The following PTPRN2 variants were observed in gnomAD, a reference collection of about 807,000 sequenced individuals.
PTPRN2 encodes the protein receptor-type tyrosine-protein phosphatase N2.
A neutral mutation model predicts 118.8 loss-of-function variants in PTPRN2; 74 were observed. That is an observed-to-expected ratio of 0.62 (90% confidence interval 0.52 to 0.76). The LOEUF is 0.76. Ranked by LOEUF, PTPRN2 falls within the 30% of genes least tolerant of loss-of-function variation. The pLI is 0.00. For synonymous variants in PTPRN2, 641 were observed against 608.0 expected (o/e 1.05, Z -0.80); for missense variants, 1,481 against 1,394.4 (o/e 1.06, Z -0.99).
chr7:158,332,707 C>A (rs1804740989), intron 2 of PTPRN2, among the ~76,000 whole-genome samples: 1 of 151,282 alleles, frequency 6.6e-6, no homozygotes, highest in Non-Finnish European at 1.5e-5. Context: ...TTGACACCTG[C>A]AGATGTCACT....
intron 1 of PTPRN2, among the ~76,000 whole-genome samples, chr7:158,521,557 T>C (rs1328059558): frequency 6.7e-6 from 1 of 150,224 alleles, no homozygotes; most frequent in Non-Finnish European, 1.5e-5. Context: ...AATGGTGGAC[T>C]GTCCAGGTAC....
intron 12 of PTPRN2, among the ~76,000 whole-genome samples, chr7:157,717,666 C>A (rs1301518599): frequency 6.6e-6 from 1 of 152,268 alleles, no homozygotes; most frequent in East Asian, 1.9e-4. Flanking sequence ...GCCAACCCAG[C>A]CTCTTCACCA....
At chr7:158,367,102 G>C (rs1198746113) in intron 2 of PTPRN2, among the ~76,000 whole-genome samples, 1 of 152,168 alleles carries the variant, frequency 6.6e-6, no homozygotes, top group African/African-American at 2.4e-5. Flanking sequence ...ACAAGCTCAG[G>C]ACTCGTGCCC....
chr7:158,324,981 T>G (rs940263223), intron 2 of PTPRN2, among the ~76,000 whole-genome samples: 2 of 151,922 alleles, frequency 1.3e-5, no homozygotes, highest in Admixed American at 1.3e-4. Context: ...ACTGTGCATC[T>G]GCTGAGAAAC....
chr7:158,331,705 T>A (rs1458311373), intron 2 of PTPRN2, among the ~76,000 whole-genome samples: 2 of 150,286 alleles, frequency 1.3e-5, no homozygotes, highest in Admixed American at 1.3e-4. Context: ...CAGACGTCAC[T>A]AACACCCACA....
Position 158,126,888 on chromosome 7 carries a change from C to T in PTPRN2, c.1556+6789G>A, listed in dbSNP as rs563988556. 6.6e-5 allele frequency among the ~76,000 whole-genome samples: 10 copies of T among 152,316 alleles called. No homozygotes were observed. In the South Asian group the frequency reaches 1.0e-3, roughly 16 times the overall value. On this transcript the variant is annotated intron_variant, in intron 9 of 22. Transcript: ENST00000389418. ...TGGTTCCAAAGTTCCTCTCCCTGGC[C>T]GGCGGATCCCTGCCTTCACTGGCCT...
chr7:158,317,555 CTAAT>C (rs1204257241), intron 2 of PTPRN2, among the ~76,000 whole-genome samples: 1 of 152,236 alleles, frequency 6.6e-6, no homozygotes, highest in African/African-American at 2.4e-5. Flanking sequence ...ACCACACCTT[CTAAT>C]TAATTTAGTC....
intron 9 of PTPRN2, among the ~76,000 whole-genome samples, chr7:158,118,843 C>A (rs1197046883): frequency 6.6e-6 from 1 of 152,150 alleles, no homozygotes; most frequent in African/African-American, 2.4e-5. Context: ...GCTGACATTA[C>A]AAGTTCATGC....
At chr7:157,844,009 C>A (rs1337145893) in intron 12 of PTPRN2, among the ~76,000 whole-genome samples, 1 of 152,212 alleles carries the variant, frequency 6.6e-6, no homozygotes, top group Non-Finnish European at 1.5e-5. Flanking sequence ...AGACTCTGAC[C>A]CCCTGCACGG....
intron 12 of PTPRN2, among the ~76,000 whole-genome samples, chr7:157,802,882 A>G (rs1805404661): frequency 6.6e-6 from 1 of 152,126 alleles, no homozygotes; most frequent in South Asian, 2.1e-4. Flanking sequence ...AGAAATGTCT[A>G]CTAAAGTCCT....
intron 1 of PTPRN2, among the ~76,000 whole-genome samples, chr7:158,586,941 G>A (rs1409025775): frequency 6.6e-6 from 1 of 152,028 alleles, no homozygotes; most frequent in East Asian, 1.9e-4. Flanking sequence ...CCGGGGTAGA[G>A]GCAGGAGGCG....
chr7:157,724,973 A>G (rs1299483651), intron 12 of PTPRN2, among the ~76,000 whole-genome samples: 1 of 152,268 alleles, frequency 6.6e-6, no homozygotes, highest in Non-Finnish European at 1.5e-5. Flanking sequence ...TAAAGATAAT[A>G]TTAACTAAAT....
At chr7:157,633,352 G>A (rs1263570) in intron 14 of PTPRN2, among the ~76,000 whole-genome samples, 88,108 of 151,992 alleles carry the variant, frequency 0.58, 26,520 homozygotes, top group African/African-American at 0.74. Context: ...CATGTTGGCC[G>A]GGCTGGGCTC....
At chr7:157,915,627 C>A (rs561970196) in intron 11 of PTPRN2, among the ~76,000 whole-genome samples, 1 of 152,192 alleles carries the variant, frequency 6.6e-6, no homozygotes, top group African/African-American at 2.4e-5. Context: ...CTTACCATAT[C>A]AGGATTTCCT....
intron 6 of PTPRN2, among the ~76,000 whole-genome samples, chr7:158,161,925 G>C (rs1219750169): frequency 2.6e-5 from 4 of 152,094 alleles, no homozygotes; most frequent in African/African-American, 9.7e-5. Context: ...ACATGGCCCA[G>C]AGACCACCAC....
intron 11 of PTPRN2, among the ~76,000 whole-genome samples, chr7:157,972,977 A>AC (rs1802456795): frequency 1.3e-5 from 2 of 151,296 alleles, no homozygotes; most frequent in South Asian, 4.2e-4. Context: ...GACCGTAGGA[A>AC]TTCACACCAC....
At chr7:158,421,990 G>C (rs1436230156) in intron 2 of PTPRN2, among the ~76,000 whole-genome samples, 2 of 152,188 alleles carry the variant, frequency 1.3e-5, no homozygotes, top group East Asian at 3.9e-4. Flanking sequence ...TAGAGACCAA[G>C]TTACTGATGA....
chr7:158,176,078 C>T (rs1437956604), intron 5 of PTPRN2, among the ~76,000 whole-genome samples: 1 of 152,158 alleles, frequency 6.6e-6, no homozygotes, highest in Non-Finnish European at 1.5e-5. Context: ...CCCTACTTTG[C>T]CCGCCACTCT....
In PTPRN2 at chr7:157,869,099, T is replaced by C. The variant is rs900018135; in HGVS notation, c.1788+29574A>G. ...AATGCGTGTGAGCAAGTCAAATTTCTGATGTTTCCCTGGATGACAAGATGT... is the reference window on the plus strand; with the variant it reads ...AATGCGTGTGAGCAAGTCAAATTTCCGATGTTTCCCTGGATGACAAGATGT... On this transcript the variant is annotated intron_variant, in intron 12 of 22. Transcript: ENST00000389418. The surrounding 1 kb of genome is among the most constrained non-coding windows in gnomAD (Gnocchi z 4.2). 1 of 152,278 alleles carries C rather than the reference T, an allele frequency of 6.6e-6. No individual in the cohort carries two copies. The allele number at this position is 152,278 out of a possible 1,614,324, so 9.4% of individuals were successfully genotyped here. A position where few individuals can be genotyped will look rare whatever the true frequency, so the allele number is the denominator to read the frequency against.
Sources: gnomAD v4.1 joint callset for allele counts (sites outside exome capture counted in the v4.1 genomes callset) on GRCh38, gnomAD v4.1.1 for gene constraint, Gnocchi (gnomAD v3.1) non-coding constraint, MANE v1.5 for transcripts, NCBI Gene and HGNC (gene_info 2026-07-23, HGNC 2026-07-21) for gene names.